FGF10: variants seen among roughly 807,000 people sequenced by gnomAD.
The protein encoded by FGF10 is fibroblast growth factor 10, also known as FGF-10.
Under a neutral mutation model 19.8 loss-of-function variants are expected in FGF10, and 2 were observed. That is an observed-to-expected ratio of 0.10 (90% confidence interval 0.04 to 0.32). The LOEUF is 0.32. Among genes scored for constraint, FGF10 ranks in the 10% least tolerant of loss-of-function variants. FGF10 has a pLI of 1.00. For missense variants in FGF10, 191 were observed against 246.3 expected, an observed-to-expected ratio of 0.78 and a Z score of 1.50; for synonymous variants, 112 against 94.0, an observed-to-expected ratio of 1.19 and a Z score of -1.10.
chr5:44,381,351 C>A (rs1741978359), intron 1 of FGF10, among the ~76,000 whole-genome samples: 2 of 152,244 alleles, frequency 1.3e-5, no homozygotes, highest in Admixed American at 1.3e-4. Context: ...AGATGCTACG[C>A]ATCTGAAAAT....
intron 1 of FGF10, among the ~76,000 whole-genome samples, chr5:44,361,733 C>G (rs1741487178): frequency 6.6e-6 from 1 of 151,644 alleles, no homozygotes; most frequent in Admixed American, 6.6e-5. Context: ...TTATATTTCA[C>G]TTAATAAATC....
rs1365924359 is a variant in FGF10, at chr5:44,303,199, G to A, written c.*1796C>T. ...GAAATACAGTTTTTTTGAAGAATGG[G>A]AAAAATATGACCTTTTATGGGATTA... On this transcript the variant is annotated 3_prime_UTR_variant, in exon 3 of 3. Transcript: ENST00000264664. Among the ~76,000 whole-genome samples, 1 of 152,028 alleles carries A rather than the reference G, an allele frequency of 6.6e-6. No homozygotes were observed. The highest frequency in any genetic ancestry group is 2.4e-5 in the African/African-American group (1 of 41,388).
At chr5:44,335,255 T>C (rs1740820605) in intron 1 of FGF10, among the ~76,000 whole-genome samples, 1 of 152,082 alleles carries the variant, frequency 6.6e-6, no homozygotes, top group Non-Finnish European at 1.5e-5. Context: ...CATCTTTTCT[T>C]AATGGTGAGA....
chr5:44,388,472 T>G lies in FGF10; in HGVS notation c.211A>C (p.Asn71His). 6.2e-7 allele frequency: 1 copy of G among 1,614,042 alleles called. No individual in the cohort carries two copies. The highest frequency in any genetic ancestry group is 8.5e-7 in the Non-Finnish European group (1 of 1,180,014). The change falls in exon 1 of 3, where the codon AAT becomes CAT. Residue 71 changes from asparagine to histidine, a missense_variant. Transcript: ENST00000264664. ...SSAGRHVRSY[N>H]HLQGDVRWRK... is the part of the protein sequence containing the mutation. ...CAGCGGACATCTCCTTGAAGGTGAT[T>G]GTAGCTCCGCACATGCCTTCCCGCG...
chr5:44,311,841 T>C (rs1740217268), intron 1 of FGF10, among the ~76,000 whole-genome samples: 1 of 152,078 alleles, frequency 6.6e-6, no homozygotes, highest in South Asian at 2.1e-4. Flanking sequence ...GTCTACAGAT[T>C]ATATGTTTTC....
chr5:44,381,525 G>T (rs1276427673), intron 1 of FGF10, among the ~76,000 whole-genome samples: 1 of 151,770 alleles, frequency 6.6e-6, no homozygotes, highest in Non-Finnish European at 1.5e-5. Context: ...GTGAGGAAGG[G>T]ACGATAAACT....
At chr5:44,361,719 A>G (rs576081169) in intron 1 of FGF10, among the ~76,000 whole-genome samples, 31 of 151,774 alleles carry the variant, frequency 2.0e-4, no homozygotes, top group African/African-American at 6.3e-4. Flanking sequence ...TTACAAACTC[A>G]TTATTATATT....
intron 1 of FGF10, among the ~76,000 whole-genome samples, chr5:44,381,083 G>A (rs1361527260): frequency 1.3e-5 from 2 of 152,164 alleles, no homozygotes; most frequent in East Asian, 3.9e-4. Flanking sequence ...AGCAGGAAGA[G>A]TTATTGGGAG....
At chr5:44,348,042 T>C (rs1474914735) in intron 1 of FGF10, among the ~76,000 whole-genome samples, 1 of 151,682 alleles carries the variant, frequency 6.6e-6, no homozygotes, top group African/African-American at 2.4e-5. Flanking sequence ...AAAATGTAAA[T>C]AGAATGTGTC....
At chr5:44,346,148 T>TA (rs1364735388) in intron 1 of FGF10, among the ~76,000 whole-genome samples, 2 of 151,702 alleles carry the variant, frequency 1.3e-5, no homozygotes, top group Non-Finnish European at 2.9e-5. Flanking sequence ...CAACACCACT[T>TA]ACTCTTTTCC....
At chr5:44,330,809 C>A (rs1740716484) in intron 1 of FGF10, among the ~76,000 whole-genome samples, 1 of 152,050 alleles carries the variant, frequency 6.6e-6, no homozygotes, top group African/African-American at 2.4e-5. Context: ...AGAAAAATGT[C>A]AAAATTACAA....
At chr5:44,325,557 C>A (rs13178004) in intron 1 of FGF10, among the ~76,000 whole-genome samples, 1 of 152,168 alleles carries the variant, frequency 6.6e-6, no homozygotes, top group Middle Eastern at 3.4e-3. Flanking sequence ...ATGCAGCCAT[C>A]AAAAATGATG....
At chr5:44,327,307 G>A (rs578081519) in intron 1 of FGF10, among the ~76,000 whole-genome samples, 1 of 152,154 alleles carries the variant, frequency 6.6e-6, no homozygotes, top group Non-Finnish European at 1.5e-5. Context: ...TATAGGAAGA[G>A]AACTAATAAA....
At chr5:44,379,992 T>G (rs912211937) in intron 1 of FGF10, among the ~76,000 whole-genome samples, 2 of 152,222 alleles carry the variant, frequency 1.3e-5, no homozygotes, top group African/African-American at 2.4e-5. Context: ...TTCATCAAGT[T>G]TTTATACTAT....
At chr5:44,368,816 C>A (rs1211336757) in intron 1 of FGF10, among the ~76,000 whole-genome samples, 1 of 151,968 alleles carries the variant, frequency 6.6e-6, no homozygotes, top group East Asian at 1.9e-4. Flanking sequence ...CCAGCAAGCA[C>A]CATCATGATT....
Position 44,300,503 on chromosome 5 carries a change from G to A in FGF10, c.*4492C>T, listed in dbSNP as rs1395215014. Among the ~76,000 whole-genome samples the A allele has an allele frequency of 6.6e-6, 1 of 151,864 alleles. No homozygotes were observed. Among genetic ancestry groups the A allele is most frequent in the African/African-American group, 2.4e-5 (1 of 41,354 alleles). ...TAGCTATATCCAGGGCCCTACTCTT[G>A]GCTTAAAACAAAACAATGCAAATGT... On this transcript the variant is annotated 3_prime_UTR_variant, in exon 3 of 3. Coordinates refer to ENST00000264664, the MANE Select transcript of FGF10 (RefSeq NM_004465.2).
At chr5:44,378,334 C>T (rs933960892) in intron 1 of FGF10, among the ~76,000 whole-genome samples, 1 of 152,184 alleles carries the variant, frequency 6.6e-6, no homozygotes, top group African/African-American at 2.4e-5. Context: ...ATTAGAAGTG[C>T]TCAATCTGTT....
chr5:44,370,091 A>G (rs1050696712), intron 1 of FGF10, among the ~76,000 whole-genome samples: 48 of 152,100 alleles, frequency 3.2e-4, no homozygotes, highest in African/African-American at 1.1e-3. Flanking sequence ...TTGAGCAAGC[A>G]CACTAGTTCA....
chr5:44,388,913 G>C lies in FGF10; in HGVS notation c.-231C>G, dbSNP rs1554040412. On this transcript the variant is annotated 5_prime_UTR_variant, in exon 1 of 3. Transcript: ENST00000264664. ...GCTGCCTACGCCTCTGGAGCCTCCC[G>C]GTAAATGGTGGACGTGGGTGGCCGC... is the stretch of plus-strand genomic sequence containing the variant. 2 of 593,742 alleles carry C rather than the reference G, an allele frequency of 3.4e-6. No homozygotes were observed. The highest frequency in any genetic ancestry group is 6.1e-6 in the Non-Finnish European group (2 of 330,242). The allele number at this position is 593,742 out of a possible 1,614,324, so 36.8% of individuals were successfully genotyped here.
Sources: gnomAD v4.1 joint callset for allele counts (sites outside exome capture counted in the v4.1 genomes callset) on GRCh38, gnomAD v4.1.1 for gene constraint, MANE v1.5 for transcripts, NCBI Gene and HGNC (gene_info 2026-07-23, HGNC 2026-07-21) for gene names.